ZNF319: variants seen among roughly 807,000 people sequenced by gnomAD.
ZNF319 encodes the protein zinc finger protein 319.
Under a neutral mutation model 46.0 loss-of-function variants are expected in ZNF319, and 15 were observed. The ratio of observed to expected loss-of-function variants is 0.33; its 90% CI spans 0.22 to 0.50. ZNF319 has a LOEUF of 0.50. Among genes scored for constraint, ZNF319 ranks in the 20% least tolerant of loss-of-function variants. The pLI, the probability that ZNF319 is intolerant of heterozygous loss-of-function variation, is 0.98. For synonymous variants in ZNF319, 368 were observed against 364.0 expected (o/e 1.01, Z -0.13); for missense variants, 635 against 807.0 (o/e 0.79, Z 2.58).
chr16:57,996,918 G>A lies in ZNF319; in HGVS notation c.1348C>T (p.His450Tyr), dbSNP rs1479407979. ...ASALQKHQLA[H>Y]CAAAEKPLRC... Reference sequence around the variant, plus strand: ...AGGGGCTTCTCTGCCGCCGCACAGTGGGCCAGCTGGTGCTTCTGCAGGGCC... The same window carrying A: ...AGGGGCTTCTCTGCCGCCGCACAGTAGGCCAGCTGGTGCTTCTGCAGGGCC... The change falls in exon 2 of 2, where the codon CAC (histidine) becomes TAC (tyrosine). Residue 450 changes from histidine to tyrosine, a missense_variant. His to Tyr is a moderately conservative substitution (Grantham distance 83). Around this residue, in one of 3 missense-constraint regions of ZNF319, gnomAD observed 270 missense variants for 281.4 expected, o/e 0.96. Transcript: ENST00000299237. 3 of 1,601,398 alleles carry A rather than the reference G, an allele frequency of 1.9e-6. No homozygotes were observed. The highest frequency in any genetic ancestry group is 2.2e-5 in the East Asian group (1 of 44,812).
Position 57,997,369 on chromosome 16 carries a change from C to G in ZNF319, c.897G>C (p.Ser299=). Residue 299 remains serine (S), a synonymous_variant, in exon 2 of 2, where the codon TCG becomes TCC. Coordinates refer to ENST00000299237, the MANE Select transcript of ZNF319 (RefSeq NM_020807.3). The part of the protein sequence containing the change: ...CNVCELHFKE[S]SELLQHPCTP... The stretch of plus-strand genomic sequence containing the variant: ...TGCACGGGTGCTGCAGCAGCTCCGA[C>G]GACTCCTTGAAATGCAACTCGCACA... 3 of 1,612,058 alleles carry G rather than the reference C, an allele frequency of 1.9e-6. No individual in the cohort carries two copies. Among genetic ancestry groups the G allele is most frequent in the Non-Finnish European group, 2.5e-6 (3 of 1,179,576 alleles).
Position 57,997,669 on chromosome 16 carries a change from G to C in ZNF319, c.597C>G (p.Asp199Glu). The C allele has an allele frequency of 6.2e-7, 1 of 1,613,958 alleles. No individual in the cohort carries two copies. The highest frequency in any genetic ancestry group is 8.5e-7 in the Non-Finnish European group (1 of 1,180,038). ...GGCAGATGGGGCAGCTGTAGGGCTT[G>C]TCGGCCTGTTCAGCAGGGGTGACAG... ...PSTVTPAEQA[D>E]KPYSCPICQK... Residue 199 changes from aspartate to glutamate, a missense_variant, in exon 2 of 2, where the codon GAC (aspartate) becomes GAG (glutamate). Coordinates refer to ENST00000299237, the MANE Select transcript of ZNF319 (RefSeq NM_020807.3).
Position 57,996,750 on chromosome 16 carries a change from G to A in ZNF319, c.1516C>T (p.Arg506Trp), listed in dbSNP as rs1356248921. The A allele has an allele frequency of 6.2e-7, 1 of 1,611,290 alleles. No individual in the cohort carries two copies. ...TAGGGCTTCTCGCCTGTGTGTACCCGCCGGTGCCGCTGCAGGTCTGACGCG... is the reference window on the plus strand; with the variant it reads ...TAGGGCTTCTCGCCTGTGTGTACCCACCGGTGCCGCTGCAGGTCTGACGCG... ...KYASDLQRHR[R>W]VHTGEKPYKC... Residue 506 changes from arginine to tryptophan, a missense_variant, in exon 2 of 2, where the codon CGG (arginine) becomes TGG (tryptophan). Physicochemically the swap from Arg to Trp is moderately radical, Grantham distance 101 (BLOSUM62 -3). Coordinates refer to ENST00000299237, the MANE Select transcript of ZNF319 (RefSeq NM_020807.3).
At position 57,997,029 on chromosome 16, in the gene ZNF319, C is replaced by T. The variant is rs1184321445; in HGVS notation, c.1237G>A (p.Glu413Lys). The part of the protein sequence containing the change: ...VCQKGFDQSA[E>K]LLRHKCLPGA... ...GGCAGGCACTTGTGCCGCAGCAGCT[C>T]GGCAGATTGGTCAAAGCCTTTCTGG... The change falls in exon 2 of 2, where the codon GAG (glutamate) becomes AAG (lysine). Residue 413 changes from glutamate (E) to lysine (K), a missense_variant. Physicochemically the swap from Glu to Lys is moderately conservative, Grantham distance 56 (BLOSUM62 1). Around this residue, in one of 3 missense-constraint regions of ZNF319, gnomAD observed 270 missense variants for 281.4 expected, o/e 0.96. Transcript: ENST00000299237. The T allele has an allele frequency of 6.2e-7, 1 of 1,610,122 alleles. No individual in the cohort carries two copies. Among genetic ancestry groups the T allele is most frequent in the Admixed American group, 1.7e-5 (1 of 59,888 alleles).
chr16:57,996,702 C>T lies in ZNF319; in HGVS notation c.1564G>A (p.Ala522Thr). The change falls in exon 2 of 2, where the codon GCC (alanine) becomes ACC (threonine). Residue 522 changes from alanine to threonine, a missense_variant. Ala to Thr is a moderately conservative substitution (Grantham distance 58). Coordinates refer to ENST00000299237, the MANE Select transcript of ZNF319 (RefSeq NM_020807.3). Reference protein sequence around the residue: ...KPYKCPNCDKAFKQREHLNKH... With the variant: ...KPYKCPNCDKTFKQREHLNKH... ...TTGAGATGCTCCCGCTGCTTGAAGG[C>T]CTTGTCGCAGTTGGGGCACTTGTAG... 1 of 1,613,122 alleles carries T rather than the reference C, an allele frequency of 6.2e-7. No individual in the cohort carries two copies. Among genetic ancestry groups the T allele is most frequent in the Non-Finnish European group, 8.5e-7 (1 of 1,179,818 alleles).
chr16:57,997,601 C>T lies in ZNF319; in HGVS notation c.665G>A (p.Arg222Gln), dbSNP rs1963048555. ...KHLSELSRHERIHTGEKPYKC... is the reference protein window; with the variant it reads ...KHLSELSRHEQIHTGEKPYKC... ...GTAGGGCTTCTCACCGGTGTGGATC[C>T]GCTCATGCCGAGAGAGCTCCGACAG... The change falls in exon 2 of 2, where the codon CGG (arginine) becomes CAG (glutamine). Residue 222 changes from arginine (R) to glutamine (Q), a missense_variant. Physicochemically the swap from Arg to Gln is conservative, Grantham distance 43. Around this residue, in one of 3 missense-constraint regions of ZNF319, gnomAD observed 138 missense variants for 248.0 expected, o/e 0.56. Transcript: ENST00000299237. 1 of 1,613,884 alleles carries T rather than the reference C, an allele frequency of 6.2e-7. No individual in the cohort carries two copies. The highest frequency in any genetic ancestry group is 1.1e-5 in the South Asian group (1 of 91,076).
In ZNF319 at chr16:57,997,441, GCGCAC is replaced by G; in HGVS notation, c.820_824del (p.Val274ProfsTer59). On this transcript the variant is annotated frameshift_variant, in exon 2 of 2. Transcript: ENST00000299237. LOFTEE classifies it high-confidence loss of function. ...GCTCGCCCGAGTGCGCGTACATGTG[GCGCAC>G]CAGGTGAGAGCGGTGCTTGAAGGTC... The G allele has an allele frequency of 6.2e-7, 1 of 1,613,138 alleles. No homozygotes were observed. The highest frequency in any genetic ancestry group is 8.5e-7 in the Non-Finnish European group (1 of 1,179,760).
At position 57,997,729 on chromosome 16, in the gene ZNF319, G is replaced by A; in HGVS notation, c.537C>T (p.Ala179=). The A allele has an allele frequency of 2.5e-6, 4 of 1,613,578 alleles. No homozygotes were observed. Among genetic ancestry groups the A allele is most frequent in the Admixed American group, 1.7e-5 (1 of 60,034 alleles). Residue 179 remains alanine (A), a synonymous_variant, in exon 2 of 2, where the codon GCC becomes GCT. Transcript: ENST00000299237. Reference sequence around the variant, plus strand: ...CGGGTGCTGCGGGAAGCGACGGGGCGGCTGTGGTGGCTGGCTCCGCTGCCT... The same window carrying A: ...CGGGTGCTGCGGGAAGCGACGGGGCAGCTGTGGTGGCTGGCTCCGCTGCCT... ...PAEAAEPATT[A]APSLPAAPAP... is the part of the protein sequence containing the mutation.
rs769093334 is a variant in ZNF319, at chr16:57,997,457, C to T, written c.809G>A (p.Arg270His). 3 of 1,610,720 alleles carry T rather than the reference C, an allele frequency of 1.9e-6. No homozygotes were observed. The highest frequency in any genetic ancestry group is 2.2e-5 in the South Asian group (2 of 90,886). The change falls in exon 2 of 2, where the codon CGC becomes CAC. Residue 270 changes from arginine (R) to histidine (H), a missense_variant. Physicochemically the swap from Arg to His is conservative, Grantham distance 29. Coordinates refer to ENST00000299237, the MANE Select transcript of ZNF319 (RefSeq NM_020807.3). ...CAVCEKTFKHRSHLVRHMYAH... is the reference protein window; with the variant it reads ...CAVCEKTFKHHSHLVRHMYAH... The stretch of plus-strand genomic sequence containing the variant: ...GTACATGTGGCGCACCAGGTGAGAG[C>T]GGTGCTTGAAGGTCTTCTCGCAGAC...
In ZNF319 at chr16:57,997,765, G is replaced by C; in HGVS notation, c.501C>G (p.Tyr167Ter). 1 of 1,613,270 alleles carries C rather than the reference G, an allele frequency of 6.2e-7. No homozygotes were observed. Among genetic ancestry groups the C allele is most frequent in the South Asian group, 1.1e-5 (1 of 91,092 alleles). ...LVKCSICEKTYKPAEAAEPAT... is the reference protein window; with the variant it reads ...LVKCSICEKT ...CTGGCTCCGCTGCCTCAGCTGGCTT[G>C]TAGGTCTTTTCACAGATGGAACACT... The change falls in exon 2 of 2, where the codon TAC becomes TAG. Residue 167 changes from tyrosine (Y) to a stop codon, truncating the protein, a stop_gained. Coordinates refer to ENST00000299237, the MANE Select transcript of ZNF319 (RefSeq NM_020807.3). LOFTEE classifies it high-confidence loss of function.
Position 57,997,073 on chromosome 16 carries a change from A to ATC in ZNF319, c.1192_1193insGA (p.Leu398ArgfsTer156). The ATC allele has an allele frequency of 1.2e-6, 2 of 1,613,538 alleles. No homozygotes were observed. The highest frequency in any genetic ancestry group is 1.7e-6 in the Non-Finnish European group (2 of 1,179,908). ...TTTCTGGCACACGGGGCACTTGAAG[A>ATC]GAGTCTCGAGGGTGTGCACGTGCTG... On this transcript the variant is annotated frameshift_variant, in exon 2 of 2. Transcript: ENST00000299237. LOFTEE classifies it high-confidence loss of function.
rs1290028280 is a variant in ZNF319 at position 57,997,404 on chromosome 16, G to A, written c.862C>T (p.Arg288Cys). 1 of 1,612,326 alleles carries A rather than the reference G, an allele frequency of 6.2e-7. No individual in the cohort carries two copies. The highest frequency in any genetic ancestry group is 2.2e-5 in the East Asian group (1 of 44,842). ...AAATGCAACTCGCACACGTTGCAGC[G>A]GAACAGGTGGTGCTCGCCCGAGTGC... ...YAHSGEHHLF[R>C]CNVCELHFKE... Residue 288 changes from arginine (R) to cysteine (C), a missense_variant, in exon 2 of 2, where the codon CGC (arginine) becomes TGC (cysteine). Arg to Cys is a radical substitution (Grantham distance 180). Transcript: ENST00000299237.
rs1227599441 is a variant in ZNF319 at position 57,996,293 on chromosome 16, G to A, written c.*224C>T. 1 of 755,824 alleles carries A rather than the reference G, an allele frequency of 1.3e-6. No individual in the cohort carries two copies. Among genetic ancestry groups the A allele is most frequent in the African/African-American group, 1.8e-5 (1 of 56,242 alleles). 46.8% of individuals were successfully genotyped at this position (755,824 alleles called of 1,614,324 possible). A position where few individuals can be genotyped will look rare whatever the true frequency, so the allele number is the denominator to read the frequency against. On this transcript the variant is annotated 3_prime_UTR_variant, in exon 2 of 2. Transcript: ENST00000299237. Reference sequence around the variant, plus strand: ...GGAAAGAGGTTTGTGGAATCAGGATGGGCCACAGCAATCTGGCCGCCCGCA... The same window carrying A: ...GGAAAGAGGTTTGTGGAATCAGGATAGGCCACAGCAATCTGGCCGCCCGCA...
intron 1 of ZNF319, among the ~76,000 whole-genome samples, chr16:57,998,759 C>G (rs1963083970): frequency 6.6e-6 from 1 of 152,168 alleles, no homozygotes; most frequent in Non-Finnish European, 1.5e-5. Flanking sequence ...CCTCAGTGCC[C>G]CGCCCCTGGG....
rs551292414 is a variant in ZNF319, at chr16:57,994,971, C to G, written c.*1546G>C. On this transcript the variant is annotated 3_prime_UTR_variant, in exon 2 of 2. Coordinates refer to ENST00000299237, the MANE Select transcript of ZNF319 (RefSeq NM_020807.3). ...AGCCAGCACCGAGGGGAAGGACCAG[C>G]CCCTCCCTGTGGCCACAGGAAGGAA... The G allele has an allele frequency of 1.1e-4, 16 of 152,328 alleles. No individual in the cohort carries two copies. Among genetic ancestry groups the G allele is most frequent in the African/African-American group, 3.8e-4 (16 of 41,580 alleles). 9.4% of individuals were successfully genotyped at this position (152,328 alleles called of 1,614,324 possible).
At position 57,996,778 on chromosome 16, in the gene ZNF319, C is replaced by G; in HGVS notation, c.1488G>C (p.Lys496Asn). The G allele has an allele frequency of 1.9e-6, 3 of 1,611,936 alleles. No individual in the cohort carries two copies. Among genetic ancestry groups the G allele is most frequent in the African/African-American group, 1.3e-5 (1 of 75,048 alleles). The change falls in exon 2 of 2, where the codon AAG becomes AAC. Residue 496 changes from lysine (K) to asparagine (N), a missense_variant. Lys to Asn is a moderately conservative substitution (Grantham distance 94). Transcript: ENST00000299237. Reference sequence around the variant, plus strand: ...GGTGCCGCTGCAGGTCTGACGCGTACTTGAAGCGTTTCTCGCAGTCTGGGC... The same window carrying G: ...GGTGCCGCTGCAGGTCTGACGCGTAGTTGAAGCGTTTCTCGCAGTCTGGGC... Reference protein sequence around the residue: ...LKCPDCEKRFKYASDLQRHRR... With the variant: ...LKCPDCEKRFNYASDLQRHRR...
In ZNF319 at chr16:57,997,004, G is replaced by A. The variant is rs779125792; in HGVS notation, c.1262C>T (p.Pro421Leu). ...CTTGAAGGGCCGCTCGGCCGCGCCGGGCAGGCACTTGTGCCGCAGCAGCTC... is the reference window on the plus strand; with the variant it reads ...CTTGAAGGGCCGCTCGGCCGCGCCGAGCAGGCACTTGTGCCGCAGCAGCTC... The part of the protein sequence containing the change: ...SAELLRHKCL[P>L]GAAERPFKCP... Residue 421 changes from proline to leucine, a missense_variant, in exon 2 of 2, where the codon CCC (proline) becomes CTC (leucine). Transcript: ENST00000299237. 5 of 1,608,798 alleles carry A rather than the reference G, an allele frequency of 3.1e-6. No individual in the cohort carries two copies. Among genetic ancestry groups the A allele is most frequent in the East Asian group, 4.5e-5 (2 of 44,852 alleles).
rs991218598 is a variant in ZNF319, at chr16:57,996,615, A to G, written c.1651T>C (p.Phe551Leu). 1.2e-6 allele frequency: 2 copies of G among 1,609,290 alleles called. No individual in the cohort carries two copies. Among genetic ancestry groups the G allele is most frequent in the Non-Finnish European group, 1.7e-6 (2 of 1,179,842 alleles). The change falls in exon 2 of 2, where the codon TTC becomes CTC. Residue 551 changes from phenylalanine (F) to leucine (L), a missense_variant. Phe to Leu is a conservative substitution (Grantham distance 22). Transcript: ENST00000299237. Reference sequence around the variant, plus strand: ...TCCTGCAACAAGGCCACGTCTAGGAAGCGCTCCCCGCACCATACACACTTG... The same window carrying G: ...TCCTGCAACAAGGCCACGTCTAGGAGGCGCTCCCCGCACCATACACACTTG... ...QFKCVWCGER[F>L]LDVALLQEHS...
Position 58,000,660 on chromosome 16 carries a change from T to C in ZNF319, c.-1425A>G, listed in dbSNP as rs940783959. Among the ~76,000 whole-genome samples, 3 of 133,126 alleles carry C rather than the reference T, an allele frequency of 2.3e-5. No homozygotes were observed. Among genetic ancestry groups the C allele is most frequent in the African/African-American group, 5.6e-5 (2 of 35,712 alleles). 87.3% of individuals were successfully genotyped at this position (133,126 alleles called of 152,430 possible). On this transcript the variant is annotated 5_prime_UTR_variant, in exon 1 of 2. Transcript: ENST00000299237. This position sits in a 1 kb window ranked among gnomAD's most constrained non-coding sequence, Gnocchi z 4.5. ...GGGCGGGCGGACGGACCGATGGCCT[T>C]GCGGAGACGGGCGGACGGGCGGGCG...
Sources: allele counts gnomAD v4.1 joint callset (sites outside exome capture counted in the v4.1 genomes callset), GRCh38; gene constraint gnomAD v4.1.1; regional missense constraint gnomAD v4.1.1; non-coding constraint Gnocchi (gnomAD v3.1); transcripts MANE v1.5; gene names NCBI Gene and HGNC (gene_info 2026-07-23, HGNC 2026-07-21).